Variants in ATL2 observed in about 807,000 individuals in gnomAD.
The protein encoded by ATL2 is atlastin GTPase 2, also known as atlastin-2.
Under a neutral mutation model 73.9 loss-of-function variants are expected in ATL2, and 31 were observed. That is an observed-to-expected ratio of 0.42 (90% CI 0.32 to 0.57). ATL2 has a LOEUF of 0.57. Among genes scored for constraint, ATL2 ranks in the 20% least tolerant of loss-of-function variants. The pLI is 0.14. For missense variants in ATL2, 738 were observed against 702.6 expected, an observed-to-expected ratio of 1.05 and a Z score of -0.57; for synonymous variants, 291 against 237.5, an observed-to-expected ratio of 1.23 and a Z score of -2.07.
intron 12 of ATL2, 77 bp from the exon 13 acceptor site, chr2:38,296,190 A>G: frequency 6.9e-7 from 1 of 1,454,340 alleles, no homozygotes; most frequent in Non-Finnish European, 9.1e-7. Context: ...AGATATAAAA[A>G]TTCAATTCAA....
chr2:38,352,376 T>C (rs1194856250), intron 1 of ATL2, among the ~76,000 whole-genome samples: 1 of 152,102 alleles, frequency 6.6e-6, no homozygotes, highest in African/African-American at 2.4e-5. Flanking sequence ...GGACAACAAG[T>C]AGCACAAGGA....
At chr2:38,351,739 C>A (rs539655060) in intron 1 of ATL2, among the ~76,000 whole-genome samples, 1 of 152,092 alleles carries the variant, frequency 6.6e-6, no homozygotes, top group South Asian at 2.1e-4. Context: ...GCGATCCACC[C>A]GCCTCCGCCT....
intron 2 of ATL2, among the ~76,000 whole-genome samples, chr2:38,332,273 C>G (rs966877782): frequency 6.6e-6 from 1 of 152,200 alleles, no homozygotes; most frequent in Non-Finnish European, 1.5e-5. Flanking sequence ...ATAGCACAAT[C>G]AGGGCTCACT....
chr2:38,323,509 T>A (rs1413425884), intron 2 of ATL2, among the ~76,000 whole-genome samples: 1 of 151,796 alleles, frequency 6.6e-6, no homozygotes, highest in Non-Finnish European at 1.5e-5. Flanking sequence ...CAGCCTGAAG[T>A]TTAAGTATAA....
intron 9 of ATL2, among the ~76,000 whole-genome samples, chr2:38,303,977 C>A (rs1024739741): frequency 6.6e-6 from 1 of 152,032 alleles, no homozygotes; most frequent in African/African-American, 2.4e-5. Context: ...TTAAAAACAA[C>A]AACAGGCCAG....
intron 2 of ATL2, 99 bp from the exon 3 acceptor site, chr2:38,319,118 C>T (rs1668182940): frequency 2.3e-6 from 3 of 1,288,324 alleles, no homozygotes; most frequent in Non-Finnish European, 2.2e-6. Context: ...GGAAGCTAAA[C>T]CCGGAAAGAC....
At chr2:38,344,044 G>T (rs1427800881) in intron 1 of ATL2, among the ~76,000 whole-genome samples, 1 of 152,032 alleles carries the variant, frequency 6.6e-6, no homozygotes, top group African/African-American at 2.4e-5. Flanking sequence ...GCATGAAAAT[G>T]GACTCATACA....
chr2:38,370,154 A>G lies in ATL2; in HGVS notation c.118+6989T>C, dbSNP rs1671589649. 2.1e-5 allele frequency among the ~76,000 whole-genome samples: 3 copies of G among 144,278 alleles called. No individual in the cohort carries two copies. The South Asian group carries it at 6.5e-4, about 31-fold the overall frequency. 94.7% of individuals were successfully genotyped at this position (144,278 alleles called of 152,430 possible). Reference sequence around the variant, plus strand: ...TGGGCGACAGCGAGACTCCGTCAAAAAAAAAAAAAAAAAAAAAGAAAGAAA... The same window carrying G: ...TGGGCGACAGCGAGACTCCGTCAAAGAAAAAAAAAAAAAAAAAGAAAGAAA... On this transcript the variant is annotated intron_variant, in intron 1 of 12. Coordinates refer to ENST00000378954, the MANE Select transcript of ATL2 (RefSeq NM_001135673.4).
intron 1 of ATL2, among the ~76,000 whole-genome samples, chr2:38,348,119 T>C (rs76765557): frequency 6.6e-6 from 1 of 152,000 alleles, no homozygotes; most frequent in East Asian, 1.9e-4. Flanking sequence ...CTTGGGGAAA[T>C]ACCTCCGACA....
chr2:38,342,194 A>C (rs1669763530), intron 2 of ATL2, among the ~76,000 whole-genome samples: 1 of 152,146 alleles, frequency 6.6e-6, no homozygotes. Context: ...TACCATCTCA[A>C]AGTGAAAATG....
At chr2:38,367,628 A>C (rs1421128099) in intron 1 of ATL2, among the ~76,000 whole-genome samples, 1 of 96,934 alleles carries the variant, frequency 1.0e-5, no homozygotes, top group African/African-American at 3.5e-5. Context: ...CGCCCATTTA[A>C]AACAACTTTT....
intron 1 of ATL2, 54 bp from the exon 2 acceptor site, chr2:38,343,566 T>G (rs1669854162): frequency 6.5e-7 from 1 of 1,546,282 alleles, no homozygotes; most frequent in African/African-American, 1.4e-5. Context: ...TTACGAACTT[T>G]CATTAAGGAC....
chr2:38,357,040 G>T (rs1304670301), intron 1 of ATL2, among the ~76,000 whole-genome samples: 1 of 152,172 alleles, frequency 6.6e-6, no homozygotes, highest in East Asian at 1.9e-4. Flanking sequence ...AATTTAAAAG[G>T]TTTAGCCGGC....
chr2:38,354,871 G>C (rs1334763028), intron 1 of ATL2, among the ~76,000 whole-genome samples: 3 of 151,878 alleles, frequency 2.0e-5, no homozygotes, highest in African/African-American at 4.8e-5. Context: ...ACCTGGGTAA[G>C]AAGAGCGAAA....
At chr2:38,353,025 C>G (rs1670446623) in intron 1 of ATL2, among the ~76,000 whole-genome samples, 1 of 152,130 alleles carries the variant, frequency 6.6e-6, no homozygotes, top group African/African-American at 2.4e-5. Flanking sequence ...CAATGCATAA[C>G]ATTTAATATA....
At chr2:38,317,435 T>C (rs1436258042) in intron 4 of ATL2, among the ~76,000 whole-genome samples, 1 of 152,046 alleles carries the variant, frequency 6.6e-6, no homozygotes, top group Non-Finnish European at 1.5e-5. Flanking sequence ...AGAAAAGAAA[T>C]GGCCTAGCCT....
intron 8 of ATL2, 129 bp from the exon 9 acceptor site, chr2:38,309,635 TA>T (rs1376734825): frequency 3.8e-5 from 36 of 954,682 alleles, no homozygotes; most frequent in East Asian, 1.1e-4. Context: ...ATTCATTTTT[TA>T]AAAAAAAGCT....
chr2:38,315,166 C>T (rs1007457872), intron 5 of ATL2, 118 bp downstream of exon 5: 4 of 1,042,574 alleles, frequency 3.8e-6, no homozygotes, highest in Non-Finnish European at 5.1e-6. Context: ...CAGGAGAATC[C>T]CTTGAACTTG....
intron 9 of ATL2, among the ~76,000 whole-genome samples, chr2:38,302,926 TCA>T (rs1667262694): frequency 6.6e-6 from 1 of 152,060 alleles, no homozygotes; most frequent in South Asian, 2.1e-4. Flanking sequence ...CAACAAATAT[TCA>T]CAAGCATCAA....
Sources: gnomAD v4.1 joint callset for allele counts (sites outside exome capture counted in the v4.1 genomes callset) on GRCh38, gnomAD v4.1.1 for gene constraint, MANE v1.5 for transcripts, NCBI Gene and HGNC (gene_info 2026-07-23, HGNC 2026-07-21) for gene names.